The following ADRA1B variants were observed in gnomAD, a reference collection of about 807,000 sequenced individuals.
ADRA1B encodes alpha-1B adrenergic receptor.
ADRA1B carries 17 observed loss-of-function variants against 17.9 expected under a neutral mutation model. That is an observed-to-expected ratio of 0.95 (90% confidence interval 0.65 to 1.42). ADRA1B has a LOEUF of 1.42. Ranked by LOEUF, ADRA1B falls within the 40% of genes most tolerant of loss-of-function variation. The pLI is 0.00. For missense variants in ADRA1B, 681 were observed against 722.1 expected (o/e 0.94, Z 0.65); for synonymous variants, 366 against 327.6 (o/e 1.12, Z -1.27).
intron 1 of ADRA1B, among the ~76,000 whole-genome samples, chr5:159,943,076 G>T (rs113861235): frequency 0.12 from 17,852 of 152,022 alleles, 1,320 homozygotes; most frequent in Non-Finnish European, 0.16. Context: ...GCCGGGCATG[G>T]TGGCGTGCAC....
chr5:159,887,612 C>G (rs910935433), intron 1 of ADRA1B, among the ~76,000 whole-genome samples: 2 of 152,168 alleles, frequency 1.3e-5, no homozygotes, highest in South Asian at 2.1e-4. Context: ...TTTAGACTAC[C>G]GTTTGAGCAA....
intron 1 of ADRA1B, among the ~76,000 whole-genome samples, chr5:159,903,964 G>A (rs1367266491): frequency 1.3e-5 from 2 of 152,130 alleles, no homozygotes; most frequent in African/African-American, 4.8e-5. Flanking sequence ...ACACCTGTAT[G>A]TGTGTGTGCA....
At chr5:159,955,494 T>A (rs778698894) in intron 1 of ADRA1B, among the ~76,000 whole-genome samples, 1 of 152,176 alleles carries the variant, frequency 6.6e-6, no homozygotes. Flanking sequence ...ATGGTCTAAG[T>A]GGCCCAATCT....
intron 1 of ADRA1B, chr5:159,951,499 G>A (rs62377696): frequency 0.031 from 21,236 of 678,558 alleles, 666 homozygotes; most frequent in East Asian, 0.13. Flanking sequence ...CCTTCACCAC[G>A]GTGTCTTGGG....
chr5:159,918,894 G>A (rs1480977464), intron 1 of ADRA1B, among the ~76,000 whole-genome samples: 1 of 152,118 alleles, frequency 6.6e-6, no homozygotes, highest in Non-Finnish European at 1.5e-5. Context: ...AATGAATGGA[G>A]GGAGTTTATC....
intron 1 of ADRA1B, chr5:159,950,666 GCTCAGTGTCGC>G: frequency 1.3e-6 from 1 of 746,272 alleles, no homozygotes; most frequent in African/African-American, 1.7e-5. Context: ...ACAACCTGGT[GCTCAGTGTCGC>G]CCCAGATGCC....
At chr5:159,940,011 G>T (rs1021986804) in intron 1 of ADRA1B, among the ~76,000 whole-genome samples, 5 of 152,108 alleles carry the variant, frequency 3.3e-5, no homozygotes, top group African/African-American at 9.7e-5. Flanking sequence ...CGGGAGACTG[G>T]GTCTCACCTA....
intron 1 of ADRA1B, among the ~76,000 whole-genome samples, chr5:159,887,369 G>C (rs144614038): frequency 1.3e-4 from 20 of 152,322 alleles, no homozygotes; most frequent in African/African-American, 4.8e-4. Context: ...GGGAATGTCA[G>C]TTATAGGACA....
At chr5:159,923,953 A>G (rs915553199) in intron 1 of ADRA1B, among the ~76,000 whole-genome samples, 2 of 152,280 alleles carry the variant, frequency 1.3e-5, no homozygotes, top group Middle Eastern at 3.2e-3. Flanking sequence ...ACTAGAGTTC[A>G]GAGAGGTTCA....
chr5:159,932,380 A>G (rs183646260), intron 1 of ADRA1B, among the ~76,000 whole-genome samples: 113 of 152,048 alleles, frequency 7.4e-4, no homozygotes, highest in African/African-American at 2.6e-3. Flanking sequence ...CTGGTCTCAA[A>G]CTTCTGGCTT....
the ADRA1B span, among the ~76,000 whole-genome samples, chr5:159,987,991 G>A: frequency 2.6e-5 from 4 of 152,100 alleles, no homozygotes; most frequent in Non-Finnish European, 5.9e-5. Context: ...AATGTTACCC[G>A]TTATGGCAAA....
At chr5:159,939,306 TGTGTGTGTGTGTGTGTGCGCGC>T (rs1472764327) in intron 1 of ADRA1B, among the ~76,000 whole-genome samples, 4 of 141,840 alleles carry the variant, frequency 2.8e-5, no homozygotes, top group African/African-American at 1.1e-4. Flanking sequence ...TGTGTGTGTG[TGTGTGTGTGTGTGTGTGCGCGC>T]GCGCGCGCAC....
chr5:159,984,303 TG>T, the ADRA1B span, among the ~76,000 whole-genome samples: 1 of 152,180 alleles, frequency 6.6e-6, no homozygotes, highest in Non-Finnish European at 1.5e-5. Flanking sequence ...TGTTCCAAAC[TG>T]ACCTTTTGTT....
chr5:159,908,358 C>T (rs1754188522), intron 1 of ADRA1B, among the ~76,000 whole-genome samples: 1 of 152,198 alleles, frequency 6.6e-6, no homozygotes. Context: ...CATCAAGTCT[C>T]ATGTTGAAAT....
chr5:159,876,426 G>C (rs950909315), intron 1 of ADRA1B, among the ~76,000 whole-genome samples: 1 of 152,126 alleles, frequency 6.6e-6, no homozygotes, highest in African/African-American at 2.4e-5. Context: ...TCTTATCCAG[G>C]AGCAAAATAT....
Position 159,972,709 on chromosome 5 carries a change from G to A in ADRA1B, c.*217G>A, listed in dbSNP as rs1581075556. The stretch of plus-strand genomic sequence containing the variant: ...CGGGCCGAGCATGCTGAGAGCCTGG[G>A]GGACCCGACGCCGCCGGGATTTACC... On this transcript the variant is annotated 3_prime_UTR_variant, in exon 2 of 2. Coordinates refer to ENST00000306675, the MANE Select transcript of ADRA1B (RefSeq NM_000679.4). Among the ~76,000 whole-genome samples the A allele has an allele frequency of 6.6e-6, 1 of 152,132 alleles. No homozygotes were observed. Among genetic ancestry groups the A allele is most frequent in the South Asian group, 2.1e-4 (1 of 4,830 alleles).
chr5:159,932,967 T>C (rs535348489), intron 1 of ADRA1B, among the ~76,000 whole-genome samples: 124 of 152,332 alleles, frequency 8.1e-4, no homozygotes, highest in African/African-American at 2.9e-3. Flanking sequence ...AATTTCCACA[T>C]GAGTAAATAT....
At chr5:159,940,066 G>C (rs151003905) in intron 1 of ADRA1B, among the ~76,000 whole-genome samples, 35 of 152,320 alleles carry the variant, frequency 2.3e-4, no homozygotes, top group African/African-American at 6.7e-4. Flanking sequence ...AATGAAATCT[G>C]ATCAGAGCTG....
intron 1 of ADRA1B, among the ~76,000 whole-genome samples, chr5:159,921,748 G>A (rs1022587650): frequency 1.3e-5 from 2 of 152,130 alleles, no homozygotes; most frequent in East Asian, 1.9e-4. Context: ...CATAGTATTG[G>A]AACAAAATAG....
Sources: allele counts gnomAD v4.1 joint callset (sites outside exome capture counted in the v4.1 genomes callset), GRCh38; gene constraint gnomAD v4.1.1; transcripts MANE v1.5; gene names NCBI Gene and HGNC (gene_info 2026-07-23, HGNC 2026-07-21).